COL12A1: variants seen among roughly 807,000 people sequenced by gnomAD.
COL12A1 encodes collagen alpha-1(XII) chain.
In COL12A1, 114 loss-of-function variants were observed where a neutral mutation model predicts 349.7. The ratio of observed to expected loss-of-function variants is 0.33; its 90% CI spans 0.28 to 0.38. COL12A1 has a LOEUF of 0.38. Ranked by LOEUF, COL12A1 falls within the 10% of genes least tolerant of loss-of-function variation. The pLI is 1.00. For missense variants in COL12A1, 3,284 were observed against 3,756.9 expected, an observed-to-expected ratio of 0.87 and a Z score of 3.29; for synonymous variants, 1,369 against 1,329.0, an observed-to-expected ratio of 1.03 and a Z score of -0.66.
At chr6:75,205,437 C>A (rs986518650) in intron 1 of COL12A1, among the ~76,000 whole-genome samples, 31 of 151,978 alleles carry the variant, frequency 2.0e-4, no homozygotes, top group Admixed American at 5.9e-4. Flanking sequence ...ATAACCAGGG[C>A]CCTGCTGCCC....
In COL12A1 at chr6:75,175,108, G is replaced by A; in HGVS notation, c.2640C>T (p.Ala880=). The A allele has an allele frequency of 6.2e-7, 1 of 1,614,134 alleles. No individual in the cohort carries two copies. The highest frequency in any genetic ancestry group is 8.5e-7 in the Non-Finnish European group (1 of 1,180,018). The stretch of plus-strand genomic sequence containing the variant: ...ACGCATACAAGGCTGTCACAGATAA[G>A]GCGTATTGTGTCCCTTCCTTCAATC... ...LQGLKEGTQY[A]LSVTALYASG... Residue 880 remains alanine (A), a synonymous_variant, in exon 13 of 66, where the codon GCC becomes GCT. Transcript: ENST00000322507.
At chr6:75,152,564 T>C in intron 17 of COL12A1, 82 bp from the exon 18 acceptor site, 1 of 1,515,412 alleles carries the variant, frequency 6.6e-7, no homozygotes, top group South Asian at 1.1e-5. Context: ...TACCACTCCC[T>C]GGATCCTCAG....
chr6:75,192,394 C>T, intron 3 of COL12A1, 39 bp from the exon 4 acceptor site: 2 of 1,542,550 alleles, frequency 1.3e-6, no homozygotes, highest in African/African-American at 1.4e-5. Flanking sequence ...TGCAACAAAA[C>T]ATTTTTCACA....
Position 75,152,413 on chromosome 6 carries a change from C to T in COL12A1, c.3635G>A (p.Arg1212Gln), listed in dbSNP as rs775382202. ...ACTCCTCACGGTTCTAAAATTTGCC[C>T]GGCCGATGCTCCATGATCCATCCAC... ...LLVDGSWSIG[R>Q]ANFRTVRSFI... The change falls in exon 18 of 66, where the codon CGG becomes CAG. Residue 1212 changes from arginine to glutamine, a missense_variant. Arg to Gln is a conservative substitution (Grantham distance 43). This residue lies in a region of COL12A1 where 2,601 missense variants were observed against 2,824.8 expected (regional missense o/e 0.92). Coordinates refer to ENST00000322507, the MANE Select transcript of COL12A1 (RefSeq NM_004370.6). 7 of 1,613,626 alleles carry T rather than the reference C, an allele frequency of 4.3e-6. No homozygotes were observed. Among genetic ancestry groups the T allele is most frequent in the South Asian group, 1.1e-5 (1 of 91,062 alleles).
At chr6:75,169,464 T>C (rs1768509562) in intron 13 of COL12A1, among the ~76,000 whole-genome samples, 1 of 152,214 alleles carries the variant, frequency 6.6e-6, no homozygotes, top group African/African-American at 2.4e-5. Context: ...GTAGACTTTT[T>C]GCCATGTAGT....
In COL12A1 at chr6:75,177,646, A is replaced by G. The variant is rs757236180; in HGVS notation, c.2437+17T>C. 1 of 1,614,084 alleles carries G rather than the reference A, an allele frequency of 6.2e-7. No individual in the cohort carries two copies. Among genetic ancestry groups the G allele is most frequent in the South Asian group, 1.1e-5 (1 of 91,050 alleles). On this transcript the variant is annotated intron_variant, in intron 12 of 65. Coordinates refer to ENST00000322507, the MANE Select transcript of COL12A1 (RefSeq NM_004370.6). Reference sequence around the variant, plus strand: ...AAGAGTTTGGTTGTCACCATATGATAAGCATATTTCCTCTACCTTCTTCAG... The same window carrying G: ...AAGAGTTTGGTTGTCACCATATGATGAGCATATTTCCTCTACCTTCTTCAG...
At chr6:75,200,339 G>A (rs915630674) in intron 2 of COL12A1, among the ~76,000 whole-genome samples, 3 of 152,142 alleles carry the variant, frequency 2.0e-5, no homozygotes, top group East Asian at 1.9e-4. Flanking sequence ...TTGGGAGGCC[G>A]AGGCAGGTGA....
rs752304678 is a variant in COL12A1, at chr6:75,156,415, C to T, written c.3092G>A (p.Arg1031His). ...GKVVNYRVVY[R>H]PHGRGKQMVA... Reference sequence around the variant, plus strand: ...CATTTGCTTCCCTCTCCCATGAGGGCGATAGACAACACGGTAGTTGACGAC... The same window carrying T: ...CATTTGCTTCCCTCTCCCATGAGGGTGATAGACAACACGGTAGTTGACGAC... The change falls in exon 15 of 66, where the codon CGC (arginine) becomes CAC (histidine). Residue 1031 changes from arginine (R) to histidine (H), a missense_variant. By Grantham distance (29) the Arg-to-His change is conservative. Around this residue, in one of 2 missense-constraint regions of COL12A1, gnomAD observed 2,601 missense variants for 2,824.8 expected, o/e 0.92. Transcript: ENST00000322507. 2.5e-6 allele frequency: 4 copies of T among 1,613,964 alleles called. No individual in the cohort carries two copies. In the East Asian group the frequency reaches 6.7e-5, roughly 27 times the overall value.
intron 55 of COL12A1, among the ~76,000 whole-genome samples, chr6:75,103,002 TTAAG>T (rs1298128539): frequency 1.3e-5 from 2 of 152,240 alleles, no homozygotes; most frequent in Admixed American, 1.3e-4. Context: ...GATTAAATGC[TTAAG>T]TTTCACTGGA....
At chr6:75,203,587 G>T (rs1244474748) in intron 1 of COL12A1, among the ~76,000 whole-genome samples, 3 of 152,176 alleles carry the variant, frequency 2.0e-5, no homozygotes, top group African/African-American at 7.2e-5. Context: ...TAAGCTGGAA[G>T]ATTATTAGTA....
At chr6:75,106,879 TTTTTTTC>T (rs199594730) in intron 52 of COL12A1, among the ~76,000 whole-genome samples, 68,475 of 110,234 alleles carry the variant, frequency 0.62, 21,257 homozygotes, top group South Asian at 0.71. Flanking sequence ...ATTTTCTTTT[TTTTTTTC>T]TTTTTTCTTT....
chr6:75,146,072 C>A (rs776603966), intron 24 of COL12A1, 30 bp downstream of exon 24: 1 of 1,561,206 alleles, frequency 6.4e-7, no homozygotes, highest in African/African-American at 1.4e-5. Flanking sequence ...CTTGGGAAGA[C>A]CCAATGTTAA....
At chr6:75,190,806 C>T (rs1036762084) in intron 5 of COL12A1, among the ~76,000 whole-genome samples, 2 of 151,840 alleles carry the variant, frequency 1.3e-5, no homozygotes, top group Non-Finnish European at 2.9e-5. Flanking sequence ...ATAAGTTTTG[C>T]ACACTATTTA....
intron 64 of COL12A1, among the ~76,000 whole-genome samples, chr6:75,088,260 A>C (rs1767597320): frequency 6.6e-6 from 1 of 152,238 alleles, no homozygotes; most frequent in African/African-American, 2.4e-5. Flanking sequence ...AATCATTTAC[A>C]ACCTAGTAAA....
At chr6:75,154,360 C>T (rs1582143294) in intron 17 of COL12A1, 56 bp downstream of exon 17, 8 of 1,579,558 alleles carry the variant, frequency 5.1e-6, no homozygotes, top group East Asian at 2.3e-5. Context: ...TAACAGTTCA[C>T]ATTTGAAATA....
Position 75,102,745 on chromosome 6 carries a change from G to C in COL12A1, c.8320-53C>G, listed in dbSNP as rs1003773257. On this transcript the variant is annotated intron_variant, in intron 55 of 65. Coordinates refer to ENST00000322507, the MANE Select transcript of COL12A1 (RefSeq NM_004370.6). ...CAAAGTAATGTAATACCTTTTCAGT[G>C]CTGACATTTAGTCAGACACTTGTCA... The C allele has an allele frequency of 1.1e-5, 13 of 1,164,694 alleles. No individual in the cohort carries two copies. The African/African-American group carries it at 1.6e-4, about 14-fold the overall frequency. 72.1% of individuals were successfully genotyped at this position (1,164,694 alleles called of 1,614,324 possible).
chr6:75,092,562 A>T (rs1434803434), intron 60 of COL12A1, among the ~76,000 whole-genome samples: 2 of 138,402 alleles, frequency 1.4e-5, no homozygotes, highest in Non-Finnish European at 3.0e-5. Flanking sequence ...TCACCGAAGG[A>T]ACATCTAAAT....
chr6:75,201,382 GTC>G (rs1770517670), intron 2 of COL12A1, among the ~76,000 whole-genome samples: 1 of 152,060 alleles, frequency 6.6e-6, no homozygotes, highest in Non-Finnish European at 1.5e-5. Flanking sequence ...GCAAGTTTCT[GTC>G]ACTTTTCTTA....
At chr6:75,170,016 A>C (rs1381741428) in intron 13 of COL12A1, among the ~76,000 whole-genome samples, 1 of 152,204 alleles carries the variant, frequency 6.6e-6, no homozygotes, top group East Asian at 1.9e-4. Flanking sequence ...TCATGATCTG[A>C]ACATCCTGAA....
Sources: gnomAD v4.1 joint callset for allele counts (sites outside exome capture counted in the v4.1 genomes callset) on GRCh38, gnomAD v4.1.1 for gene constraint, gnomAD v4.1.1 regional missense constraint, MANE v1.5 for transcripts, NCBI Gene and HGNC (gene_info 2026-07-23, HGNC 2026-07-21) for gene names.